TSPAN18: variants seen among roughly 807,000 people sequenced by gnomAD.
The protein encoded by TSPAN18 is tetraspanin-18.
Under a neutral mutation model 27.3 loss-of-function variants are expected in TSPAN18, and 14 were observed. The observed-to-expected ratio is 0.51, with a 90% confidence interval of 0.34 to 0.80. The LOEUF (loss-of-function observed/expected upper bound fraction) is 0.80, where lower values mean the gene tolerates loss of function less well. Ranked by LOEUF, TSPAN18 falls within the 30% of genes least tolerant of loss-of-function variation. The probability of loss-of-function intolerance (pLI) is 0.01; values close to 1 mark genes in which losing one functional copy is unlikely to be tolerated. For missense variants in TSPAN18, 268 were observed against 323.9 expected (o/e 0.83, Z 1.32); for synonymous variants, 143 against 136.5 (o/e 1.05, Z -0.33).
chr11:44,882,864 T>A (rs1858535601), intron 3 of TSPAN18, among the ~76,000 whole-genome samples: 1 of 152,152 alleles, frequency 6.6e-6, no homozygotes, highest in Admixed American at 6.5e-5. Flanking sequence ...TGTTCTTACA[T>A]CCTCAAGAAC....
chr11:44,784,708 T>C (rs1232670518), intron 2 of TSPAN18, among the ~76,000 whole-genome samples: 1 of 151,834 alleles, frequency 6.6e-6, no homozygotes, highest in African/African-American at 2.4e-5. Flanking sequence ...TACACAGGAA[T>C]CACTCCATGA....
intron 9 of TSPAN18, 46 bp downstream of exon 9, chr11:44,926,803 A>C: frequency 3.1e-6 from 5 of 1,590,108 alleles, no homozygotes; most frequent in Non-Finnish European, 2.6e-6. Context: ...ATGAAGCCTC[A>C]CGTGGAGCCT....
intron 2 of TSPAN18, among the ~76,000 whole-genome samples, chr11:44,803,830 G>C (rs760782837): frequency 2.6e-5 from 4 of 152,182 alleles, no homozygotes; most frequent in Non-Finnish European, 4.4e-5. Flanking sequence ...GGAAAAGCTA[G>C]TGAGAGGGGC....
intron 3 of TSPAN18, among the ~76,000 whole-genome samples, chr11:44,861,835 A>ACACACACT: frequency 7.6e-6 from 1 of 131,334 alleles, no homozygotes; most frequent in African/African-American, 3.0e-5. Context: ...ACACACACAC[A>ACACACACT]GCCCCCATGC....
chr11:44,740,603 C>T (rs1854910747), intron 1 of TSPAN18, among the ~76,000 whole-genome samples: 1 of 152,188 alleles, frequency 6.6e-6, no homozygotes, highest in South Asian at 2.1e-4. Flanking sequence ...GACAGGGACA[C>T]CTGGAAATGC....
chr11:44,905,111 A>G (rs1453622918), intron 3 of TSPAN18, among the ~76,000 whole-genome samples: 2 of 152,202 alleles, frequency 1.3e-5, no homozygotes, highest in African/African-American at 4.8e-5. Context: ...ATGGAGTCCA[A>G]TGTGATGCTT....
chr11:44,727,687 GAC>G (rs1430494655), intron 1 of TSPAN18, among the ~76,000 whole-genome samples: 5 of 152,188 alleles, frequency 3.3e-5, no homozygotes, highest in African/African-American at 1.2e-4. Flanking sequence ...CACCCGGTAA[GAC>G]AGTGAGGGAC....
At chr11:44,821,076 A>G (rs1381655486) in intron 2 of TSPAN18, among the ~76,000 whole-genome samples, 1 of 152,234 alleles carries the variant, frequency 6.6e-6, no homozygotes, top group African/African-American at 2.4e-5. Context: ...TGCTTGTGAT[A>G]CACCAGAGAG....
chr11:44,851,705 C>T (rs1183901091), intron 2 of TSPAN18, among the ~76,000 whole-genome samples: 1 of 151,746 alleles, frequency 6.6e-6, no homozygotes. Context: ...GCTTTCTACA[C>T]CTGCCGTGCA....
chr11:44,767,166 T>A (rs967477593), intron 2 of TSPAN18, among the ~76,000 whole-genome samples: 1 of 152,176 alleles, frequency 6.6e-6, no homozygotes, highest in Non-Finnish European at 1.5e-5. Context: ...TTGTGTCAGC[T>A]CCCTGTCCTG....
intron 3 of TSPAN18, among the ~76,000 whole-genome samples, chr11:44,888,352 G>A (rs569697618): frequency 7.2e-5 from 11 of 152,176 alleles, no homozygotes; most frequent in African/African-American, 2.2e-4. Flanking sequence ...CACTTTTCAG[G>A]TGATGTTGGA....
intron 3 of TSPAN18, among the ~76,000 whole-genome samples, chr11:44,877,848 G>T (rs112815450): frequency 1.3e-5 from 2 of 151,912 alleles, no homozygotes; most frequent in Admixed American, 6.6e-5. Context: ...AGGAGACCAC[G>T]GCTTTCTACC....
At chr11:44,909,350 G>A (rs1859621723) in intron 4 of TSPAN18, among the ~76,000 whole-genome samples, 1 of 152,274 alleles carries the variant, frequency 6.6e-6, no homozygotes, top group Admixed American at 6.5e-5. Flanking sequence ...GGTTCCCTCT[G>A]TATGGAATCA....
At chr11:44,835,094 C>T (rs1425409191) in intron 2 of TSPAN18, among the ~76,000 whole-genome samples, 2 of 152,306 alleles carry the variant, frequency 1.3e-5, no homozygotes, top group South Asian at 2.1e-4. Flanking sequence ...TGCCTGCACA[C>T]GGGAGCAGGG....
chr11:44,921,332 G>T (rs4755917), intron 8 of TSPAN18, among the ~76,000 whole-genome samples: 90,569 of 151,942 alleles, frequency 0.6, 27,996 homozygotes, highest in East Asian at 0.79. Context: ...AGACACCCTC[G>T]CTGGACCTCA....
chr11:44,756,293 G>A (rs1169263048), intron 1 of TSPAN18, among the ~76,000 whole-genome samples: 1 of 132,662 alleles, frequency 7.5e-6, no homozygotes, highest in African/African-American at 2.7e-5. Context: ...TCTGTTCTTT[G>A]TGAGAACAAA....
In TSPAN18 at chr11:44,802,956, T is replaced by C. The variant is rs562164606; in HGVS notation, c.-153+38444T>C. On this transcript the variant is annotated intron_variant, in intron 2 of 9. Coordinates refer to ENST00000520358, the MANE Select transcript of TSPAN18 (RefSeq NM_130783.5). ...ATGGTGGGGACAGTGGAGGGACCCA[T>C]GTTTGGGGAGAGTCATGGCGGAGGC... 8.6e-5 allele frequency among the ~76,000 whole-genome samples: 13 copies of C among 151,944 alleles called. No homozygotes were observed. The East Asian group carries it at 2.1e-3, about 25-fold the overall frequency.
chr11:44,902,381 T>C (rs1377137095), intron 3 of TSPAN18, among the ~76,000 whole-genome samples: 1 of 152,130 alleles, frequency 6.6e-6, no homozygotes, highest in Non-Finnish European at 1.5e-5. Flanking sequence ...TGGATGCAGG[T>C]TAGATGTTCC....
At chr11:44,802,311 T>G (rs1422840786) in intron 2 of TSPAN18, among the ~76,000 whole-genome samples, 4 of 107,898 alleles carry the variant, frequency 3.7e-5, no homozygotes, top group African/African-American at 7.5e-5. Flanking sequence ...AAGCACAAAG[T>G]GGTTGAGGTG....
Sources: gnomAD v4.1 joint callset for allele counts (sites outside exome capture counted in the v4.1 genomes callset) on GRCh38, gnomAD v4.1.1 for gene constraint, MANE v1.5 for transcripts, NCBI Gene and HGNC (gene_info 2026-07-23, HGNC 2026-07-21) for gene names.